Variants in CSMD1 observed in about 807,000 individuals in gnomAD.
The protein encoded by CSMD1 is CUB and Sushi multiple domains 1, also known as CUB and sushi domain-containing protein 1.
Under a neutral mutation model 417.5 loss-of-function variants are expected in CSMD1, and 213 were observed. The ratio of observed to expected loss-of-function variants is 0.51; its 90% CI spans 0.46 to 0.57. CSMD1 has a LOEUF of 0.57. CSMD1 is among the 20% of genes least tolerant of loss of function. The pLI is 0.00. For synonymous variants in CSMD1, 2,862 were observed against 1,736.8 expected (o/e 1.65, Z -16.11); for missense variants, 6,923 against 4,529.7 (o/e 1.53, Z -15.17).
At chr8:3,306,889 C>G (rs984826727) in intron 25 of CSMD1, among the ~76,000 whole-genome samples, 2 of 151,722 alleles carry the variant, frequency 1.3e-5, no homozygotes, top group East Asian at 1.9e-4. Flanking sequence ...TTAAATAACT[C>G]ATCATCATAA....
intron 26 of CSMD1, among the ~76,000 whole-genome samples, chr8:3,279,378 A>T (rs542413544): frequency 6.6e-6 from 1 of 152,310 alleles, no homozygotes; most frequent in African/African-American, 2.4e-5. Flanking sequence ...ACTCGAATGC[A>T]TGGGAGCTAG....
intron 3 of CSMD1, among the ~76,000 whole-genome samples, chr8:4,271,279 G>A (rs1399720805): frequency 6.6e-6 from 1 of 152,120 alleles, no homozygotes; most frequent in Non-Finnish European, 1.5e-5. Flanking sequence ...AGGGGTTGGT[G>A]CCCTAACAGC....
chr8:3,658,304 G>C (rs1281978825), intron 7 of CSMD1, among the ~76,000 whole-genome samples: 1 of 151,706 alleles, frequency 6.6e-6, no homozygotes, highest in African/African-American at 2.4e-5. Context: ...TATAAACAAT[G>C]GATTTAGCAT....
chr8:3,980,807 G>T (rs554068787), intron 5 of CSMD1, among the ~76,000 whole-genome samples: 1 of 152,186 alleles, frequency 6.6e-6, no homozygotes, highest in Non-Finnish European at 1.5e-5. Flanking sequence ...ATACCCCTTG[G>T]CCAACCACTA....
At chr8:4,496,591 G>A (rs1801989892) in intron 2 of CSMD1, among the ~76,000 whole-genome samples, 1 of 152,062 alleles carries the variant, frequency 6.6e-6, no homozygotes. Context: ...GCTCCTTGTG[G>A]CTCTCTTGTT....
At chr8:4,319,947 C>T (rs1307026924) in intron 3 of CSMD1, among the ~76,000 whole-genome samples, 2 of 151,940 alleles carry the variant, frequency 1.3e-5, no homozygotes, top group Non-Finnish European at 2.9e-5. Context: ...TTGCACAAGG[C>T]CAATGTTTGG....
chr8:4,525,998 G>C (rs1226370020), intron 2 of CSMD1, among the ~76,000 whole-genome samples: 4 of 152,100 alleles, frequency 2.6e-5, no homozygotes. Flanking sequence ...AGAAAACAGT[G>C]GGGAGCTCTG....
At chr8:3,746,621 GAAT>G (rs1250358263) in intron 6 of CSMD1, among the ~76,000 whole-genome samples, 4 of 152,102 alleles carry the variant, frequency 2.6e-5, no homozygotes, top group African/African-American at 9.7e-5. Flanking sequence ...CATCTCTGAT[GAAT>G]AATATTTCAT....
chr8:4,677,155 A>G (rs1051867771), intron 1 of CSMD1, among the ~76,000 whole-genome samples: 2 of 148,810 alleles, frequency 1.3e-5, no homozygotes, highest in African/African-American at 4.9e-5. Flanking sequence ...TATACATTAT[A>G]TCTCTATCGG....
intron 49 of CSMD1, among the ~76,000 whole-genome samples, chr8:3,058,031 T>G (rs562868693): frequency 2.0e-4 from 30 of 152,258 alleles, no homozygotes; most frequent in South Asian, 4.1e-4. Context: ...CTTGCCTTAG[T>G]TTTCTCTGGG....
chr8:3,949,877 C>A, intron 5 of CSMD1: 1 of 455,594 alleles, frequency 2.2e-6, no homozygotes, highest in South Asian at 1.6e-5. Context: ...CTCATTCAGC[C>A]CCAATTCAAG....
At chr8:3,381,627 T>G (rs768539768) in intron 18 of CSMD1, among the ~76,000 whole-genome samples, 1 of 152,198 alleles carries the variant, frequency 6.6e-6, no homozygotes, top group Non-Finnish European at 1.5e-5. Flanking sequence ...AAATTATAAT[T>G]AGCCAGTAGT....
At chr8:4,560,388 T>C (rs1798275744) in intron 2 of CSMD1, among the ~76,000 whole-genome samples, 1 of 152,220 alleles carries the variant, frequency 6.6e-6, no homozygotes, top group Non-Finnish European at 1.5e-5. Context: ...TAAATGTTCC[T>C]AGTCCTTGCC....
chr8:4,357,885 G>C (rs1004614505), intron 3 of CSMD1, among the ~76,000 whole-genome samples: 2 of 152,078 alleles, frequency 1.3e-5, no homozygotes, highest in African/African-American at 2.4e-5. Flanking sequence ...TAAAATCATA[G>C]ACGTATAATT....
intron 2 of CSMD1, among the ~76,000 whole-genome samples, chr8:4,569,949 T>G (rs1376584381): frequency 4.6e-5 from 7 of 152,206 alleles, no homozygotes; most frequent in Non-Finnish European, 7.3e-5. Context: ...TGTCTATTGT[T>G]GGTGTATAGG....
chr8:3,929,907 C>G (rs183785352), intron 5 of CSMD1, among the ~76,000 whole-genome samples: 15 of 150,312 alleles, frequency 1.0e-4, no homozygotes, highest in Non-Finnish European at 1.9e-4. Flanking sequence ...GGTGATCTAC[C>G]TGCCTCAGCC....
chr8:4,164,131 G>C (rs926791494), intron 3 of CSMD1, among the ~76,000 whole-genome samples: 4 of 151,516 alleles, frequency 2.6e-5, no homozygotes, highest in South Asian at 2.1e-4. Flanking sequence ...TATTATACCT[G>C]ATAGTGTTCT....
chr8:4,474,714 C>A (rs1004886751), intron 2 of CSMD1, among the ~76,000 whole-genome samples: 1 of 152,156 alleles, frequency 6.6e-6, no homozygotes, highest in African/African-American at 2.4e-5. Flanking sequence ...CCCACGTGGA[C>A]TTTCTTCTCC....
At chr8:4,790,946 C>G (rs1266811459) in intron 1 of CSMD1, among the ~76,000 whole-genome samples, 1 of 152,132 alleles carries the variant, frequency 6.6e-6, no homozygotes, top group Non-Finnish European at 1.5e-5. Context: ...GCAAAGACTC[C>G]AAAAGCAACT....
Sources: gnomAD v4.1 joint callset for allele counts (sites outside exome capture counted in the v4.1 genomes callset) on GRCh38, gnomAD v4.1.1 for gene constraint, MANE v1.5 for transcripts, NCBI Gene and HGNC (gene_info 2026-07-23, HGNC 2026-07-21) for gene names.